EPHA4: variants seen among roughly 807,000 people sequenced by gnomAD.
The protein encoded by EPHA4 is EPH receptor A4, also known as ephrin type-A receptor 4.
In EPHA4, 19 loss-of-function variants were observed where a neutral mutation model predicts 108.3. That is an observed-to-expected ratio of 0.18 (90% CI 0.12 to 0.26). The LOEUF (loss-of-function observed/expected upper bound fraction) is 0.26. EPHA4 is among the 10% of genes least tolerant of loss of function. The probability of loss-of-function intolerance (pLI) is 1.00; values close to 1 mark genes in which losing one functional copy is unlikely to be tolerated. For missense variants in EPHA4, 917 were observed against 1,254.0 expected (o/e 0.73, Z 4.06); for synonymous variants, 449 against 455.5 (o/e 0.99, Z 0.18).
At chr2:221,484,236 G>T (rs1035890034) in intron 4 of EPHA4, among the ~76,000 whole-genome samples, 1 of 152,266 alleles carries the variant, frequency 6.6e-6, no homozygotes, top group East Asian at 1.9e-4. Flanking sequence ...CTATAAATAA[G>T]AAATCATATT....
In EPHA4 at chr2:221,456,609, T is replaced by C; in HGVS notation, c.1603+4A>G. On this transcript the variant is annotated splice_donor_region_variant and intron_variant, in intron 7 of 17. Coordinates refer to ENST00000281821, the MANE Select transcript of EPHA4 (RefSeq NM_004438.5). ...AGTGACTGAGTCTGGGTGGTCCTTG[T>C]TACCTGTGTTGGTTGTAACCTCCAA... 6.2e-7 allele frequency: 1 copy of C among 1,613,674 alleles called. No homozygotes were observed. The highest frequency in any genetic ancestry group is 8.5e-7 in the Non-Finnish European group (1 of 1,179,694).
intron 5 of EPHA4, among the ~76,000 whole-genome samples, chr2:221,459,679 C>T (rs1012577424): frequency 6.6e-6 from 1 of 151,972 alleles, no homozygotes; most frequent in Admixed American, 6.6e-5. Context: ...AGCAAGGAGG[C>T]TAAGAAAACT....
At chr2:221,429,140 T>C (rs1689998001) in intron 15 of EPHA4, among the ~76,000 whole-genome samples, 2 of 152,204 alleles carry the variant, frequency 1.3e-5, no homozygotes, top group Non-Finnish European at 2.9e-5. Context: ...TGGTCTATTA[T>C]GCCTGTATTC....
At chr2:221,459,510 G>A (rs1389268146) in intron 5 of EPHA4, among the ~76,000 whole-genome samples, 2 of 151,602 alleles carry the variant, frequency 1.3e-5, no homozygotes, top group South Asian at 2.1e-4. Context: ...AATGAAAAAC[G>A]GAAATGTGCT....
chr2:221,497,330 C>T (rs1440268537), intron 4 of EPHA4, among the ~76,000 whole-genome samples: 1 of 152,170 alleles, frequency 6.6e-6, no homozygotes. Flanking sequence ...CAGTGTTGGT[C>T]AGTGGTTACA....
intron 5 of EPHA4, among the ~76,000 whole-genome samples, chr2:221,479,130 GGT>G (rs1341663624): frequency 6.6e-6 from 1 of 152,140 alleles, no homozygotes; most frequent in African/African-American, 2.4e-5. Flanking sequence ...CACATAATCT[GGT>G]CTCATAAATG....
At chr2:221,494,034 T>C (rs1692234862) in intron 4 of EPHA4, among the ~76,000 whole-genome samples, 1 of 152,184 alleles carries the variant, frequency 6.6e-6, no homozygotes, top group South Asian at 2.1e-4. Flanking sequence ...GCCCTTCAAG[T>C]TGGCAATCTA....
At chr2:221,435,498 C>T (rs1401560874) in intron 13 of EPHA4, among the ~76,000 whole-genome samples, 1 of 151,892 alleles carries the variant, frequency 6.6e-6, no homozygotes, top group Non-Finnish European at 1.5e-5. Flanking sequence ...AAAAGCTCAG[C>T]CAACCAACCA....
chr2:221,549,704 G>T (rs546315377), intron 3 of EPHA4, among the ~76,000 whole-genome samples: 71 of 152,336 alleles, frequency 4.7e-4, no homozygotes, highest in Non-Finnish European at 8.8e-4. Context: ...AAAGCCGGGC[G>T]CAGTGGCTCA....
intron 4 of EPHA4, among the ~76,000 whole-genome samples, chr2:221,500,663 G>A (rs57458679): frequency 0.018 from 2,689 of 152,192 alleles, 72 homozygotes; most frequent in African/African-American, 0.06. Context: ...AAACCCTGCC[G>A]TCTACCTGTT....
At chr2:221,545,847 A>G (rs1168207917) in intron 3 of EPHA4, among the ~76,000 whole-genome samples, 3 of 152,102 alleles carry the variant, frequency 2.0e-5, no homozygotes, top group South Asian at 2.1e-4. Context: ...AATCCACAAG[A>G]TTCTACACTT....
Position 221,538,884 on chromosome 2 carries a change from C to T in EPHA4, c.823+24847G>A, listed in dbSNP as rs114800080. On this transcript the variant is annotated intron_variant, in intron 3 of 17. Transcript: ENST00000281821. Reference sequence around the variant, plus strand: ...CGTTCATTTCAATGATCACACGTGGCGTGCAATGACTGAATAGGACTCTAT... The same window carrying T: ...CGTTCATTTCAATGATCACACGTGGTGTGCAATGACTGAATAGGACTCTAT... Among the ~76,000 whole-genome samples the T allele has an allele frequency of 2.1e-3, 324 of 152,212 alleles. 1 individual carries two copies. The highest frequency in any genetic ancestry group is 0.02 in the Middle Eastern group (6 of 294).
At chr2:221,441,782 A>G (rs1043537500) in intron 11 of EPHA4, among the ~76,000 whole-genome samples, 2 of 151,974 alleles carry the variant, frequency 1.3e-5, no homozygotes, top group Admixed American at 1.3e-4. Flanking sequence ...CAAGCAAAAC[A>G]AGTCACACCC....
chr2:221,466,878 T>C (rs185237143), intron 5 of EPHA4, among the ~76,000 whole-genome samples: 18 of 150,914 alleles, frequency 1.2e-4, no homozygotes, highest in Non-Finnish European at 2.2e-4. Context: ...GGCTGATCTC[T>C]GCCCCTCCTT....
intron 3 of EPHA4, among the ~76,000 whole-genome samples, chr2:221,557,878 A>G (rs1176927421): frequency 2.0e-5 from 3 of 152,224 alleles, no homozygotes; most frequent in African/African-American, 4.8e-5. Flanking sequence ...TACTAAATTC[A>G]TATGTCCAAG....
At chr2:221,434,328 C>T (rs1236355061) in intron 13 of EPHA4, 37 bp from the exon 14 acceptor site, 2 of 1,605,434 alleles carry the variant, frequency 1.2e-6, no homozygotes, top group Non-Finnish European at 1.7e-6. Context: ...TCCTTAAGTA[C>T]ATCACTGATG....
chr2:221,424,374 T>G (rs1197203544), intron 17 of EPHA4, among the ~76,000 whole-genome samples: 2 of 151,952 alleles, frequency 1.3e-5, no homozygotes, highest in African/African-American at 4.8e-5. Context: ...AAATTTAACA[T>G]TCCTTGCTCT....
chr2:221,470,432 T>C (rs1302952517), intron 5 of EPHA4, among the ~76,000 whole-genome samples: 1 of 151,918 alleles, frequency 6.6e-6, no homozygotes, highest in Non-Finnish European at 1.5e-5. Flanking sequence ...TTGGTTCTAC[T>C]GGATGGAAGT....
rs544048493 is a variant in EPHA4, at chr2:221,473,956, T to C, written c.1318+8396A>G. On this transcript the variant is annotated intron_variant, in intron 5 of 17. Coordinates refer to ENST00000281821, the MANE Select transcript of EPHA4 (RefSeq NM_004438.5). The stretch of plus-strand genomic sequence containing the variant: ...TTCTCTTCTTACAAATGAACATGCA[T>C]ATATCTTTCTGTAGGAGCAAAAGGA... Among the ~76,000 whole-genome samples the C allele has an allele frequency of 4.6e-5, 7 of 152,300 alleles. No homozygotes were observed. In the East Asian group the frequency reaches 1.3e-3, roughly 29 times the overall value.
Sources: gnomAD v4.1 joint callset for allele counts (sites outside exome capture counted in the v4.1 genomes callset) on GRCh38, gnomAD v4.1.1 for gene constraint, MANE v1.5 for transcripts, NCBI Gene and HGNC (gene_info 2026-07-23, HGNC 2026-07-21) for gene names.